Variants in EDARADD observed in about 807,000 individuals in gnomAD.
The protein encoded by EDARADD is ectodysplasin-A receptor-associated adapter protein.
EDARADD carries 20 observed loss-of-function variants against 25.6 expected under a neutral mutation model. That is an observed-to-expected ratio of 0.78 (90% CI 0.55 to 1.14). The LOEUF (loss-of-function observed/expected upper bound fraction) is 1.14. EDARADD is among the 50% of genes most tolerant of loss of function. The pLI is 0.00. For missense variants in EDARADD, 225 were observed against 270.1 expected, an observed-to-expected ratio of 0.83 and a Z score of 1.17; for synonymous variants, 86 against 94.4, an observed-to-expected ratio of 0.91 and a Z score of 0.52.
At chr1:236,408,535 T>C (rs1434799073) in intron 1 of EDARADD, among the ~76,000 whole-genome samples, 1 of 152,088 alleles carries the variant, frequency 6.6e-6, no homozygotes, top group Non-Finnish European at 1.5e-5. Context: ...TATTTCTTGA[T>C]GCAATCTGAA....
At chr1:236,387,206 GC>G (rs1331320414) in intron 3 of EDARADD, among the ~76,000 whole-genome samples, 1 of 46,262 alleles carries the variant, frequency 2.2e-5, no homozygotes, top group African/African-American at 7.8e-5. Flanking sequence ...GGGGGGGTCA[GC>G]CCCCCCGCCC....
chr1:236,378,730 C>T (rs1248542752), intron 3 of EDARADD, among the ~76,000 whole-genome samples: 1 of 152,144 alleles, frequency 6.6e-6, no homozygotes, highest in Non-Finnish European at 1.5e-5. Flanking sequence ...CATGATTCAA[C>T]CACTCTACAA....
At chr1:236,464,423 C>CGTT (rs1659127914) in intron 4 of EDARADD, among the ~76,000 whole-genome samples, 1 of 72,982 alleles carries the variant, frequency 1.4e-5, no homozygotes, top group Non-Finnish European at 2.8e-5. Context: ...CTTGCTGCAA[C>CGTT]TTTTTTTTTT....
chr1:236,439,565 CTTA>C (rs1658348186), intron 4 of EDARADD, among the ~76,000 whole-genome samples: 1 of 152,122 alleles, frequency 6.6e-6, no homozygotes, highest in South Asian at 2.1e-4. Context: ...GTAGTGGTAT[CTTA>C]TTGTTGTTTT....
At chr1:236,404,974 A>C (rs997883448) in intron 1 of EDARADD, among the ~76,000 whole-genome samples, 1 of 151,900 alleles carries the variant, frequency 6.6e-6, no homozygotes, top group East Asian at 1.9e-4. Flanking sequence ...GGCACCTGTA[A>C]TCCCAGCTAC....
At chr1:236,441,399 A>G (rs1035895296) in intron 4 of EDARADD, among the ~76,000 whole-genome samples, 1 of 145,190 alleles carries the variant, frequency 6.9e-6, no homozygotes, top group Non-Finnish European at 1.5e-5. Flanking sequence ...GAGATATATG[A>G]GATATATATA....
intron 3 of EDARADD, among the ~76,000 whole-genome samples, chr1:236,369,152 ATTC>A (rs755127104): frequency 1.0e-3 from 158 of 152,258 alleles, no homozygotes; most frequent in Middle Eastern, 3.4e-3. Flanking sequence ...CAAATTTGCT[ATTC>A]TTCTTCAATA....
chr1:236,457,240 G>T (rs1278964544), intron 4 of EDARADD, among the ~76,000 whole-genome samples: 2 of 152,206 alleles, frequency 1.3e-5, no homozygotes, highest in African/African-American at 4.8e-5. Flanking sequence ...AGTTTACCGG[G>T]CACGGGGGCT....
intron 4 of EDARADD, among the ~76,000 whole-genome samples, chr1:236,436,158 T>C (rs1395521478): frequency 6.6e-6 from 1 of 151,728 alleles, no homozygotes; most frequent in African/African-American, 2.4e-5. Flanking sequence ...AAAAATGTCT[T>C]TCTTTCCTTT....
chr1:236,468,545 G>A (rs897530522), intron 5 of EDARADD, among the ~76,000 whole-genome samples: 4 of 152,078 alleles, frequency 2.6e-5, no homozygotes, highest in Non-Finnish European at 5.9e-5. Context: ...GCTTGAACCC[G>A]GGAGGCGGAG....
chr1:236,424,223 G>GT (rs2103014844), intron 3 of EDARADD, among the ~76,000 whole-genome samples: 1 of 140,186 alleles, frequency 7.1e-6, no homozygotes, highest in Non-Finnish European at 1.5e-5. Context: ...GTGCGGTGGT[G>GT]TGATCATGGG....
chr1:236,361,481 C>CACCACACCCAGCTAATTTTT (rs1459434723), intron 3 of EDARADD, among the ~76,000 whole-genome samples: 12 of 149,620 alleles, frequency 8.0e-5, no homozygotes, highest in Non-Finnish European at 1.6e-4. Context: ...AGGTGCCCAC[C>CACCACACCCAGCTAATTTTT]ACCACACCCA....
At chr1:236,368,541 A>G (rs1232051023) in intron 3 of EDARADD, among the ~76,000 whole-genome samples, 3 of 150,818 alleles carry the variant, frequency 2.0e-5, no homozygotes, top group Admixed American at 1.3e-4. Context: ...CCCGGGTTCA[A>G]GCGATTCTCC....
intron 4 of EDARADD, among the ~76,000 whole-genome samples, chr1:236,447,215 TCTTTCTTTCCTTTCTTTC>T (rs879862335): frequency 1.9e-3 from 100 of 52,828 alleles, no homozygotes; most frequent in Non-Finnish European, 4.2e-3. Flanking sequence ...TTTCTTTCTT[TCTTTCTTTCCTTTCTTTC>T]CTTTCTTTCC....
chr1:236,410,010 C>A (rs1275170283), intron 2 of EDARADD, among the ~76,000 whole-genome samples: 1 of 152,020 alleles, frequency 6.6e-6, no homozygotes, highest in Non-Finnish European at 1.5e-5. Flanking sequence ...CTCCCGTAAC[C>A]ATTCTGAGGC....
rs1657436861 is a variant in EDARADD at position 236,410,463 on chromosome 1, C to T, written c.120+1189C>T. On this transcript the variant is annotated intron_variant, in intron 2 of 5. Transcript: ENST00000334232. ...ATGGCTGCCATCATTATTTTTCAAC[C>T]TCCCAAGATCCTCCCAACCATCCCT... 2.6e-5 allele frequency among the ~76,000 whole-genome samples: 4 copies of T among 152,108 alleles called. No individual in the cohort carries two copies. The South Asian group carries it at 8.3e-4, about 32-fold the overall frequency.
At chr1:236,414,854 CA>C (rs1484564293) in intron 3 of EDARADD, among the ~76,000 whole-genome samples, 1 of 151,888 alleles carries the variant, frequency 6.6e-6, no homozygotes, top group African/African-American at 2.4e-5. Context: ...GCCTGGGCAA[CA>C]AACTCCATCT....
chr1:236,463,720 G>A (rs1455096978), intron 4 of EDARADD, among the ~76,000 whole-genome samples: 2 of 152,186 alleles, frequency 1.3e-5, no homozygotes, highest in Non-Finnish European at 2.9e-5. Flanking sequence ...CCATTGAACG[G>A]TAACTCCCCA....
intron 4 of EDARADD, among the ~76,000 whole-genome samples, chr1:236,459,863 C>G (rs1318474436): frequency 6.6e-6 from 1 of 152,104 alleles, no homozygotes. Flanking sequence ...ATCCACCCGC[C>G]TCAGCATCCC....
Sources: gnomAD v4.1 joint callset for allele counts (sites outside exome capture counted in the v4.1 genomes callset) on GRCh38, gnomAD v4.1.1 for gene constraint, MANE v1.5 for transcripts, NCBI Gene and HGNC (gene_info 2026-07-23, HGNC 2026-07-21) for gene names.